Variants in FAM83B observed in about 807,000 individuals in gnomAD.
FAM83B encodes scaffolding CK1 anchoring protein B.
Under a neutral mutation model 38.8 loss-of-function variants are expected in FAM83B, and 26 were observed. That is an observed-to-expected ratio of 0.67 (90% CI 0.49 to 0.93). The LOEUF is 0.93. Ranked by LOEUF, FAM83B falls within the 40% of genes least tolerant of loss-of-function variation. FAM83B has a pLI of 0.00. For synonymous variants in FAM83B, 419 were observed against 423.1 expected (o/e 0.99, Z 0.12); for missense variants, 1,237 against 1,197.3 (o/e 1.03, Z -0.49).
At chr6:54,877,379 G>A (rs1271851035) in intron 2 of FAM83B, among the ~76,000 whole-genome samples, 1 of 152,184 alleles carries the variant, frequency 6.6e-6, no homozygotes, top group Non-Finnish European at 1.5e-5. Flanking sequence ...GGTTTGCCAT[G>A]GGAGCCTTTT....
In FAM83B at chr6:54,850,087, C is replaced by T. The variant is rs531491802; in HGVS notation, c.-61+3261C>T. Among the ~76,000 whole-genome samples the T allele has an allele frequency of 2.0e-5, 3 of 152,256 alleles. No homozygotes were observed. In the South Asian group the frequency reaches 6.2e-4, roughly 32 times the overall value. Reference sequence around the variant, plus strand: ...TATATTCCTGGATCTTAGGAAGCTTCCAGTTTAGGAACCTAATGATAATTA... The same window carrying T: ...TATATTCCTGGATCTTAGGAAGCTTTCAGTTTAGGAACCTAATGATAATTA... On this transcript the variant is annotated intron_variant, in intron 1 of 4. Coordinates refer to ENST00000306858, the MANE Select transcript of FAM83B (RefSeq NM_001010872.3).
chr6:54,942,107 A>G lies in FAM83B; in HGVS notation c.*100A>G. The G allele has an allele frequency of 8.5e-7, 1 of 1,179,356 alleles. No individual in the cohort carries two copies. The highest frequency in any genetic ancestry group is 1.2e-6 in the Non-Finnish European group (1 of 847,468). 73.1% of individuals were successfully genotyped at this position (1,179,356 alleles called of 1,614,324 possible). On this transcript the variant is annotated 3_prime_UTR_variant, in exon 5 of 5. Coordinates refer to ENST00000306858, the MANE Select transcript of FAM83B (RefSeq NM_001010872.3). The stretch of plus-strand genomic sequence containing the variant: ...AATAGATTTTCCTAAGGACAGAATT[A>G]TGGGTATGATGTATATGTTCACCAG...
intron 1 of FAM83B, among the ~76,000 whole-genome samples, chr6:54,863,231 AACAAC>A (rs1771628177): frequency 6.6e-6 from 1 of 152,222 alleles, no homozygotes; most frequent in African/African-American, 2.4e-5. Context: ...TTCAGTTAAA[AACAAC>A]ACAACAACAA....
intron 2 of FAM83B, among the ~76,000 whole-genome samples, chr6:54,888,985 AT>A (rs1243667631): frequency 6.6e-6 from 1 of 151,808 alleles, no homozygotes; most frequent in Admixed American, 6.6e-5. Flanking sequence ...CATTTTGTGT[AT>A]TTTCTACATA....
rs1300322420 is a variant in FAM83B, at chr6:54,944,212, A to G, written c.*2205A>G. On this transcript the variant is annotated 3_prime_UTR_variant, in exon 5 of 5. Coordinates refer to ENST00000306858, the MANE Select transcript of FAM83B (RefSeq NM_001010872.3). ...TTCAAAAAATGTACAGCTACTGTTT[A>G]AGTTTTAAACAGACACCATCACAGT... 1.3e-5 allele frequency: 2 copies of G among 152,228 alleles called. No homozygotes were observed. The highest frequency in any genetic ancestry group is 2.9e-5 in the Non-Finnish European group (2 of 68,034). The allele number at this position is 152,228 out of a possible 1,614,324, so 9.4% of individuals were successfully genotyped here. A position where few individuals can be genotyped will look rare whatever the true frequency, so the allele number is the denominator to read the frequency against.
At chr6:54,885,019 G>A (rs1045059671) in intron 2 of FAM83B, among the ~76,000 whole-genome samples, 5 of 151,984 alleles carry the variant, frequency 3.3e-5, no homozygotes, top group Non-Finnish European at 5.9e-5. Flanking sequence ...TGATCTGCCC[G>A]CCTCGGCCTC....
intron 2 of FAM83B, among the ~76,000 whole-genome samples, chr6:54,902,012 T>C (rs2127582420): frequency 6.6e-6 from 1 of 152,314 alleles, no homozygotes; most frequent in African/African-American, 2.4e-5. Context: ...TGAAACACTT[T>C]CAACACAGTT....
rs922262573 is a variant in FAM83B at position 54,939,388 on chromosome 6, T to C, written c.735-318T>C. Among the ~76,000 whole-genome samples, 3 of 152,252 alleles carry C rather than the reference T, an allele frequency of 2.0e-5. No homozygotes were observed. The East Asian group carries it at 5.8e-4, about 29-fold the overall frequency. On this transcript the variant is annotated intron_variant, in intron 4 of 4. Coordinates refer to ENST00000306858, the MANE Select transcript of FAM83B (RefSeq NM_001010872.3). ...TAAATTTTGGGATTGTTTCTTCTTA[T>C]TATGTGAAAAATGATGATGGTATTT...
intron 3 of FAM83B, 34 bp from the exon 4 acceptor site, chr6:54,927,474 A>G: frequency 6.6e-7 from 1 of 1,505,456 alleles, no homozygotes. Flanking sequence ...TTTCCTAGCC[A>G]TAATGTCTGC....
At chr6:54,898,035 T>C (rs1430371180) in intron 2 of FAM83B, among the ~76,000 whole-genome samples, 1 of 152,178 alleles carries the variant, frequency 6.6e-6, no homozygotes, top group Non-Finnish European at 1.5e-5. Flanking sequence ...AACTAATATA[T>C]TTATTTTTTT....
chr6:54,906,726 G>T (rs566004970), intron 2 of FAM83B, among the ~76,000 whole-genome samples: 15 of 152,146 alleles, frequency 9.9e-5, no homozygotes, highest in Admixed American at 6.5e-4. Flanking sequence ...ATCTAATGAA[G>T]TATAGTATAT....
intron 2 of FAM83B, among the ~76,000 whole-genome samples, chr6:54,923,609 A>G (rs947822099): frequency 1.3e-5 from 2 of 151,850 alleles, no homozygotes; most frequent in African/African-American, 2.4e-5. Context: ...TTTATTTTCT[A>G]CTCTCCTAGA....
chr6:54,912,215 T>A (rs1772926682), intron 2 of FAM83B, among the ~76,000 whole-genome samples: 1 of 152,018 alleles, frequency 6.6e-6, no homozygotes, highest in Non-Finnish European at 1.5e-5. Flanking sequence ...TAAAACAATT[T>A]GGTTTAATGT....
intron 2 of FAM83B, among the ~76,000 whole-genome samples, chr6:54,920,715 A>C (rs1025708070): frequency 3.3e-5 from 5 of 151,930 alleles, no homozygotes; most frequent in African/African-American, 1.2e-4. Context: ...GGTTTCTACC[A>C]CACTTTTTGG....
intron 1 of FAM83B, among the ~76,000 whole-genome samples, chr6:54,859,516 C>CATA (rs1472670996): frequency 6.6e-6 from 1 of 152,194 alleles, no homozygotes. Context: ...ACTAAACAGA[C>CATA]ATAATCTCTG....
intron 2 of FAM83B, among the ~76,000 whole-genome samples, chr6:54,880,926 T>C (rs1240591147): frequency 6.6e-6 from 1 of 152,206 alleles, no homozygotes; most frequent in African/African-American, 2.4e-5. Flanking sequence ...TGAATGTGTA[T>C]GTGTTTTGAT....
At chr6:54,919,726 A>G (rs1014131980) in intron 2 of FAM83B, among the ~76,000 whole-genome samples, 7 of 152,140 alleles carry the variant, frequency 4.6e-5, no homozygotes, top group African/African-American at 1.7e-4. Flanking sequence ...CTCATGTTTT[A>G]ATATATATAA....
At chr6:54,869,141 A>C (rs1014213581) in intron 1 of FAM83B, among the ~76,000 whole-genome samples, 1 of 152,190 alleles carries the variant, frequency 6.6e-6, no homozygotes, top group African/African-American at 2.4e-5. Flanking sequence ...GTGAGCCTGC[A>C]TAGGCAGATT....
At position 54,904,335 on chromosome 6, in the gene FAM83B, C is replaced by T. The variant is rs948265898; in HGVS notation, c.445-22036C>T. ...AAAAGCAGCCAGTAGCATGATCTTC[C>T]ACAAGTTCTAAGGTACCTGTGGAGT... On this transcript the variant is annotated intron_variant, in intron 2 of 4. Transcript: ENST00000306858. Among the ~76,000 whole-genome samples the T allele has an allele frequency of 1.4e-3, 206 of 152,144 alleles. 1 individual carries two copies. The highest frequency in any genetic ancestry group is 1.2e-3 in the Non-Finnish European group (79 of 68,008).
Sources: allele counts gnomAD v4.1 joint callset (sites outside exome capture counted in the v4.1 genomes callset), GRCh38; gene constraint gnomAD v4.1.1; transcripts MANE v1.5; gene names NCBI Gene and HGNC (gene_info 2026-07-23, HGNC 2026-07-21).